Variants in MYCBP2 observed in about 807,000 individuals in gnomAD.
The protein encoded by MYCBP2 is MYC binding protein 2.
MYCBP2 carries 120 observed loss-of-function variants against 525.3 expected under a neutral mutation model. The observed-to-expected ratio is 0.23, with a 90% CI of 0.20 to 0.27. The LOEUF (loss-of-function observed/expected upper bound fraction) is 0.27, where lower values mean the gene tolerates loss of function less well. Among genes scored for constraint, MYCBP2 ranks in the 10% least tolerant of loss-of-function variants. MYCBP2 has a pLI of 1.00. For missense variants in MYCBP2, 4,149 were observed against 5,657.1 expected, an observed-to-expected ratio of 0.73 and a Z score of 8.55; for synonymous variants, 1,894 against 1,955.8, an observed-to-expected ratio of 0.97 and a Z score of 0.83.
chr13:77,241,450 C>A (rs2068806369), intron 17 of MYCBP2, among the ~76,000 whole-genome samples: 1 of 152,006 alleles, frequency 6.6e-6, no homozygotes, highest in African/African-American at 2.4e-5. Flanking sequence ...CCTAATATTT[C>A]TAAAGAAAGA....
In MYCBP2 at chr13:77,314,306, C is replaced by T. The variant is rs552788301; in HGVS notation, c.302+12168G>A. Among the ~76,000 whole-genome samples, 4 of 152,288 alleles carry T rather than the reference C, an allele frequency of 2.6e-5. No individual in the cohort carries two copies. The South Asian group carries it at 6.2e-4, about 24-fold the overall frequency. ...AAATGTATGTCCACACAAAAACCTGCACACAGATGTTTAGAGCAGCTTTAT... is the reference window on the plus strand; with the variant it reads ...AAATGTATGTCCACACAAAAACCTGTACACAGATGTTTAGAGCAGCTTTAT... On this transcript the variant is annotated intron_variant, in intron 1 of 82. Transcript: ENST00000544440.
intron 18 of MYCBP2, among the ~76,000 whole-genome samples, chr13:77,226,600 GAC>G (rs1316149716): frequency 6.6e-6 from 1 of 152,136 alleles, no homozygotes; most frequent in African/African-American, 2.4e-5. Context: ...TGAATCTACA[GAC>G]ACACACTTTC....
chr13:77,051,526 A>G (rs530277977), intron 81 of MYCBP2, among the ~76,000 whole-genome samples: 2 of 152,356 alleles, frequency 1.3e-5, no homozygotes, highest in African/African-American at 4.8e-5. Context: ...GAAGAGGGGA[A>G]AACCTAAAAG....
intron 44 of MYCBP2, among the ~76,000 whole-genome samples, chr13:77,159,918 T>C (rs1189956145): frequency 6.6e-6 from 1 of 152,230 alleles, no homozygotes; most frequent in Non-Finnish European, 1.5e-5. Flanking sequence ...AATTTATTTT[T>C]ATTTTGAATC....
chr13:77,200,747 T>C (rs1005481005), intron 26 of MYCBP2, among the ~76,000 whole-genome samples: 2 of 152,074 alleles, frequency 1.3e-5, no homozygotes, highest in African/African-American at 2.4e-5. Context: ...TCAACATTCT[T>C]TAAGAAAAGA....
intron 52 of MYCBP2, among the ~76,000 whole-genome samples, chr13:77,136,120 G>C (rs1443694505): frequency 6.6e-6 from 1 of 152,122 alleles, no homozygotes; most frequent in Admixed American, 6.6e-5. Context: ...TGCCCAGCCT[G>C]TTTTTATCTT....
intron 52 of MYCBP2, among the ~76,000 whole-genome samples, chr13:77,136,009 T>C (rs2154178336): frequency 6.6e-6 from 1 of 152,222 alleles, no homozygotes; most frequent in South Asian, 2.1e-4. Context: ...CTAATTTTTG[T>C]ATTTTTAGTA....
At chr13:77,134,911 C>T (rs570315225) in intron 52 of MYCBP2, among the ~76,000 whole-genome samples, 1 of 152,168 alleles carries the variant, frequency 6.6e-6, no homozygotes, top group Non-Finnish European at 1.5e-5. Context: ...AATTCTAAAA[C>T]ATGAGTAAAC....
chr13:77,267,312 C>T (rs898763435), intron 8 of MYCBP2, among the ~76,000 whole-genome samples: 6 of 150,630 alleles, frequency 4.0e-5, no homozygotes, highest in Non-Finnish European at 7.4e-5. Flanking sequence ...TATTAAGAAG[C>T]ATAAGAAGCA....
In MYCBP2 at chr13:77,135,136, A is replaced by G. The variant is rs183660342; in HGVS notation, c.7659+4060T>C. On this transcript the variant is annotated intron_variant, in intron 52 of 82. Coordinates refer to ENST00000544440, the MANE Select transcript of MYCBP2 (RefSeq NM_015057.5). ...GTTTTAACTAGAAAAGGTTGAAGAGATAGACACAAACAGTGCTGAAGGCAA... is the reference window on the plus strand; with the variant it reads ...GTTTTAACTAGAAAAGGTTGAAGAGGTAGACACAAACAGTGCTGAAGGCAA... 2.0e-5 allele frequency among the ~76,000 whole-genome samples: 3 copies of G among 152,314 alleles called. No individual in the cohort carries two copies. In the East Asian group the frequency reaches 5.8e-4, roughly 29 times the overall value.
chr13:77,264,547 T>G (rs2073806724), intron 8 of MYCBP2, among the ~76,000 whole-genome samples: 1 of 152,166 alleles, frequency 6.6e-6, no homozygotes, highest in Non-Finnish European at 1.5e-5. Flanking sequence ...TAGTGTGCTC[T>G]AAACTTTTTA....
intron 52 of MYCBP2, among the ~76,000 whole-genome samples, chr13:77,131,607 T>A (rs570343483): frequency 6.6e-6 from 1 of 152,262 alleles, no homozygotes; most frequent in South Asian, 2.1e-4. Flanking sequence ...CAGGAAAATG[T>A]TAATTTTTCC....
At chr13:77,082,730 T>C (rs927525385) in intron 63 of MYCBP2, among the ~76,000 whole-genome samples, 18 of 152,230 alleles carry the variant, frequency 1.2e-4, no homozygotes, top group African/African-American at 4.1e-4. Context: ...ATTTTCCCTC[T>C]CTCTTTTTGG....
At chr13:77,227,463 TACACACACACACACACATACAC>T (rs1025073131) in intron 18 of MYCBP2, among the ~76,000 whole-genome samples, 1 of 118,708 alleles carries the variant, frequency 8.4e-6, no homozygotes, top group African/African-American at 3.3e-5. Context: ...TGCAAAAGCC[TACACACACACACACACATACAC>T]ACACACACAC....
rs2051670322 is a variant in MYCBP2 at position 77,126,323 on chromosome 13, C to T, written c.7879G>A (p.Gly2627Arg). 6.2e-7 allele frequency: 1 copy of T among 1,613,154 alleles called. No individual in the cohort carries two copies. Among genetic ancestry groups the T allele is most frequent in the South Asian group, 1.1e-5 (1 of 90,968 alleles). The change falls in exon 53 of 83, where the codon GGA becomes AGA. Residue 2627 changes from glycine to arginine, a missense_variant. Gly to Arg is a moderately radical substitution (Grantham distance 125). This residue lies in a region of MYCBP2 where 653 missense variants were observed against 744.7 expected (regional missense o/e 0.88). Coordinates refer to ENST00000544440, the MANE Select transcript of MYCBP2 (RefSeq NM_015057.5). The part of the protein sequence containing the change: ...LVLGNKVKAV[G>R]EVTNSEGTWV... ...GAAGCTACAAGAATCCATACCTCTC[C>T]CACTGCTTTGACTTTGTTTCCCAGA...
At chr13:77,188,742 T>C (rs556127891) in intron 30 of MYCBP2, among the ~76,000 whole-genome samples, 1 of 152,230 alleles carries the variant, frequency 6.6e-6, no homozygotes, top group Non-Finnish European at 1.5e-5. Flanking sequence ...ATTCATCTGG[T>C]CATGTTAAAA....
intron 47 of MYCBP2, among the ~76,000 whole-genome samples, chr13:77,148,102 A>G (rs1183963277): frequency 6.6e-6 from 1 of 152,094 alleles, no homozygotes; most frequent in Non-Finnish European, 1.5e-5. Flanking sequence ...GTTGGAATAG[A>G]GAAGAATTTT....
chr13:77,309,120 C>G (rs1291012480), intron 1 of MYCBP2, among the ~76,000 whole-genome samples: 1 of 152,192 alleles, frequency 6.6e-6, no homozygotes, highest in Non-Finnish European at 1.5e-5. Context: ...CTACTGCCTT[C>G]CTTCTTGCCC....
At chr13:77,150,999 T>C (rs1428310158) in intron 46 of MYCBP2, 50 bp from the exon 47 acceptor site, 2 of 1,472,248 alleles carry the variant, frequency 1.4e-6, no homozygotes, top group Admixed American at 1.7e-5. Context: ...TAATTGTCAC[T>C]GACATCAAAA....
Sources: allele counts gnomAD v4.1 joint callset (sites outside exome capture counted in the v4.1 genomes callset), GRCh38; gene constraint gnomAD v4.1.1; regional missense constraint gnomAD v4.1.1; transcripts MANE v1.5; gene names NCBI Gene and HGNC (gene_info 2026-07-23, HGNC 2026-07-21).